The following LRRC49 variants were observed in gnomAD, a reference collection of about 807,000 sequenced individuals.
LRRC49 encodes the protein leucine-rich repeat-containing protein 49.
LRRC49 carries 50 observed loss-of-function variants against 83.3 expected under a neutral mutation model. The ratio of observed to expected loss-of-function variants is 0.60; its 90% CI spans 0.48 to 0.76. The LOEUF is 0.76. Among genes scored for constraint, LRRC49 ranks in the 30% least tolerant of loss-of-function variants. The pLI is 0.00. For missense variants in LRRC49, 704 were observed against 809.1 expected (o/e 0.87, Z 1.58); for synonymous variants, 286 against 283.3 (o/e 1.01, Z -0.10).
chr15:71,029,147 A>G (rs1233277608), intron 14 of LRRC49, among the ~76,000 whole-genome samples: 1 of 151,960 alleles, frequency 6.6e-6, no homozygotes, highest in African/African-American at 2.4e-5. Context: ...GTATGTGTCT[A>G]TTTGTTCTCA....
At position 70,902,334 on chromosome 15, in the gene LRRC49, G is replaced by T. The variant is rs369753441; in HGVS notation, c.296+1310G>T. ...TTCCTTTGTAGCTTGGGATGACTCA[G>T]GCAATTGTGAAGATGGGTCCTTAAC... is the stretch of plus-strand genomic sequence containing the variant. On this transcript the variant is annotated intron_variant, in intron 4 of 15. Transcript: ENST00000260382. Among the ~76,000 whole-genome samples the T allele has an allele frequency of 5.9e-5, 9 of 152,156 alleles. No homozygotes were observed. The East Asian group carries it at 1.2e-3, about 19-fold the overall frequency.
At chr15:70,936,431 C>A in intron 7 of LRRC49, 1 of 222,046 alleles carries the variant, frequency 4.5e-6, no homozygotes, top group South Asian at 1.8e-4. Flanking sequence ...AATGTTTGAT[C>A]ATACTGTATT....
intron 2 of LRRC49, chr15:70,894,862 G>T: frequency 5.0e-6 from 1 of 198,080 alleles, no homozygotes; most frequent in Non-Finnish European, 1.1e-5. Context: ...TCAGAAAATA[G>T]ACAATTTGAT....
At chr15:71,033,153 C>G (rs182596125) in intron 14 of LRRC49, among the ~76,000 whole-genome samples, 1 of 152,136 alleles carries the variant, frequency 6.6e-6, no homozygotes, top group African/African-American at 2.4e-5. Flanking sequence ...TGATAAGCAA[C>G]TTTTCAGCAG....
intron 1 of LRRC49, among the ~76,000 whole-genome samples, chr15:70,867,557 A>AG (rs764389807): frequency 6.6e-5 from 10 of 152,160 alleles, no homozygotes; most frequent in South Asian, 2.1e-4. Context: ...AAATTAAGTA[A>AG]CTTGCTAAAG....
intron 14 of LRRC49, among the ~76,000 whole-genome samples, chr15:71,031,940 T>G (rs925131249): frequency 1.3e-5 from 2 of 151,994 alleles, no homozygotes; most frequent in South Asian, 2.1e-4. Flanking sequence ...TCTGTGGGAG[T>G]GGGACCCACT....
intron 8 of LRRC49, among the ~76,000 whole-genome samples, chr15:70,940,831 G>A (rs754350389): frequency 6.6e-6 from 1 of 152,186 alleles, no homozygotes; most frequent in Non-Finnish European, 1.5e-5. Flanking sequence ...TTTGAGAAAT[G>A]AGTACATGCT....
chr15:70,970,504 G>A (rs972532461), intron 9 of LRRC49, among the ~76,000 whole-genome samples: 2 of 152,322 alleles, frequency 1.3e-5, no homozygotes, highest in South Asian at 4.1e-4. Context: ...CTCATAAAAT[G>A]AGTTAGGGAG....
intron 8 of LRRC49, among the ~76,000 whole-genome samples, chr15:70,947,957 T>C (rs1271936656): frequency 6.6e-6 from 1 of 152,178 alleles, no homozygotes; most frequent in Non-Finnish European, 1.5e-5. Flanking sequence ...GGGTGTTTTA[T>C]TACCAAGGGA....
intron 2 of LRRC49, among the ~76,000 whole-genome samples, chr15:70,880,541 T>A (rs1317913968): frequency 2.0e-5 from 3 of 152,224 alleles, no homozygotes; most frequent in African/African-American, 7.2e-5. Flanking sequence ...ATTAAAAATA[T>A]TTGTGCAAAA....
intron 7 of LRRC49, among the ~76,000 whole-genome samples, chr15:70,930,252 A>G (rs1427003477): frequency 6.6e-6 from 1 of 152,220 alleles, no homozygotes; most frequent in Non-Finnish European, 1.5e-5. Context: ...TGAAAACAAC[A>G]TTAATCTCCT....
At chr15:70,871,447 G>C (rs184166023) in intron 1 of LRRC49, among the ~76,000 whole-genome samples, 2 of 151,864 alleles carry the variant, frequency 1.3e-5, no homozygotes, top group African/African-American at 4.8e-5. Flanking sequence ...ATCATGGCCC[G>C]CTCTCAATGA....
intron 2 of LRRC49, among the ~76,000 whole-genome samples, chr15:70,887,248 AG>A (rs1416741287): frequency 2.6e-5 from 4 of 152,154 alleles, no homozygotes; most frequent in Admixed American, 2.0e-4. Context: ...GAATGAAAAA[AG>A]AAGGAACAAT....
chr15:70,910,836 G>A (rs181306439), intron 5 of LRRC49, among the ~76,000 whole-genome samples: 286 of 152,226 alleles, frequency 1.9e-3, no homozygotes, highest in Admixed American at 3.6e-3. Context: ...TCCTTTTAAA[G>A]CTCACATTTT....
intron 10 of LRRC49, among the ~76,000 whole-genome samples, chr15:70,981,513 C>G (rs2037397506): frequency 6.6e-6 from 1 of 151,232 alleles, no homozygotes; most frequent in East Asian, 1.9e-4. Context: ...AAAAAGAATG[C>G]TAAAAAATAA....
At chr15:70,987,912 G>A (rs1260701886) in intron 11 of LRRC49, among the ~76,000 whole-genome samples, 1 of 152,106 alleles carries the variant, frequency 6.6e-6, no homozygotes, top group East Asian at 1.9e-4. Context: ...TCAATCAGGA[G>A]CAGGTTGTTC....
chr15:71,035,548 C>G (rs2039492271), intron 14 of LRRC49, among the ~76,000 whole-genome samples: 1 of 152,004 alleles, frequency 6.6e-6, no homozygotes, highest in African/African-American at 2.4e-5. Context: ...TCCCTATGTC[C>G]ATGTGTTCTC....
intron 3 of LRRC49, chr15:70,900,718 G>T: frequency 1.9e-6 from 1 of 521,256 alleles, no homozygotes; most frequent in Non-Finnish European, 3.5e-6. Context: ...AAATTATTTG[G>T]CATACATGGA....
chr15:70,914,688 GC>G (rs2034690019), intron 6 of LRRC49, among the ~76,000 whole-genome samples: 1 of 152,166 alleles, frequency 6.6e-6, no homozygotes, highest in African/African-American at 2.4e-5. Context: ...CTAACCTAGA[GC>G]TTGTGTTGGT....
Sources: allele counts gnomAD v4.1 joint callset (sites outside exome capture counted in the v4.1 genomes callset), GRCh38; gene constraint gnomAD v4.1.1; transcripts MANE v1.5; gene names NCBI Gene and HGNC (gene_info 2026-07-23, HGNC 2026-07-21).